Variants in SMG6 observed in about 807,000 individuals in gnomAD.
SMG6 encodes the protein telomerase-binding protein EST1A.
Under a neutral mutation model 142.2 loss-of-function variants are expected in SMG6, and 66 were observed. That is an observed-to-expected ratio of 0.46 (90% CI 0.38 to 0.57). SMG6 has a LOEUF of 0.57. Among genes scored for constraint, SMG6 ranks in the 20% least tolerant of loss-of-function variants. SMG6 has a pLI of 0.00. For missense variants in SMG6, 1,793 were observed against 1,832.0 expected (o/e 0.98, Z 0.39); for synonymous variants, 779 against 702.4 (o/e 1.11, Z -1.72).
chr17:2,184,146 G>A (rs1051765011), intron 12 of SMG6, among the ~76,000 whole-genome samples: 1 of 152,158 alleles, frequency 6.6e-6, no homozygotes, highest in Non-Finnish European at 1.5e-5. Flanking sequence ...TGGACCACTG[G>A]AGGGCAGGAG....
In SMG6 at chr17:2,066,290, CTGTG is replaced by C. The variant is rs564575614; in HGVS notation, c.3836-615_3836-612del. On this transcript the variant is annotated intron_variant, in intron 16 of 18. Transcript: ENST00000263073. ...TGTATGTCTGTGTGCGTGTATGTGT[CTGTG>C]TGCGTGTGTACATGTATGTGTGTGT... Among the ~76,000 whole-genome samples, 17 of 150,738 alleles carry C rather than the reference CTGTG, an allele frequency of 1.1e-4. No individual in the cohort carries two copies. The South Asian group carries it at 2.5e-3, about 22-fold the overall frequency.
At chr17:2,162,356 T>C (rs996421616) in intron 13 of SMG6, among the ~76,000 whole-genome samples, 2 of 150,504 alleles carry the variant, frequency 1.3e-5, no homozygotes, top group African/African-American at 4.9e-5. Flanking sequence ...ACTAAAAATA[T>C]AAAAAAAATT....
At chr17:2,265,489 AAC>A (rs2074404520) in intron 8 of SMG6, among the ~76,000 whole-genome samples, 1 of 150,844 alleles carries the variant, frequency 6.6e-6, no homozygotes, top group African/African-American at 2.4e-5. Context: ...CAGCCTGGAC[AAC>A]AGAGCAAGAC....
At chr17:2,248,339 A>G (rs929132527) in intron 8 of SMG6, among the ~76,000 whole-genome samples, 3 of 152,198 alleles carry the variant, frequency 2.0e-5, no homozygotes, top group African/African-American at 7.2e-5. Flanking sequence ...GAATAAGAGC[A>G]ACTAAGAAGC....
chr17:2,173,639 T>G (rs1024608682), intron 12 of SMG6, among the ~76,000 whole-genome samples: 4 of 152,174 alleles, frequency 2.6e-5, no homozygotes, highest in African/African-American at 9.7e-5. Flanking sequence ...CTGGGCAAAC[T>G]GGGATGGCTG....
At chr17:2,232,424 C>T (rs1190054977) in intron 10 of SMG6, among the ~76,000 whole-genome samples, 1 of 152,140 alleles carries the variant, frequency 6.6e-6, no homozygotes, top group Non-Finnish European at 1.5e-5. Flanking sequence ...CTGGGAACCA[C>T]CTATCTCACC....
Position 2,068,751 on chromosome 17 carries a change from C to T in SMG6, c.3835+27G>A. On this transcript the variant is annotated intron_variant, in intron 16 of 18. Coordinates refer to ENST00000263073, the MANE Select transcript of SMG6 (RefSeq NM_017575.5). The surrounding 1 kb of genome is among the most constrained non-coding windows in gnomAD (Gnocchi z 6.7). Reference sequence around the variant, plus strand: ...AGGGGGCTGCTGTGCACATGCAAGGCCGCTCTGCCCTTCCCGCCTGACTCA... The same window carrying T: ...AGGGGGCTGCTGTGCACATGCAAGGTCGCTCTGCCCTTCCCGCCTGACTCA... 1 of 1,608,262 alleles carries T rather than the reference C, an allele frequency of 6.2e-7. No homozygotes were observed. The highest frequency in any genetic ancestry group is 2.2e-5 in the East Asian group (1 of 44,842).
intron 13 of SMG6, among the ~76,000 whole-genome samples, chr17:2,151,084 C>A (rs1170013319): frequency 6.6e-6 from 1 of 152,186 alleles, no homozygotes; most frequent in East Asian, 1.9e-4. Context: ...CATAAGCTGG[C>A]ACAGCACCAG....
intron 10 of SMG6, among the ~76,000 whole-genome samples, chr17:2,196,945 G>T (rs577877492): frequency 6.6e-6 from 1 of 152,174 alleles, no homozygotes; most frequent in African/African-American, 2.4e-5. Flanking sequence ...AAAAAACAAA[G>T]CAATAAAACC....
chr17:2,131,394 C>T (rs2070116815), intron 13 of SMG6, among the ~76,000 whole-genome samples: 1 of 151,966 alleles, frequency 6.6e-6, no homozygotes, highest in African/African-American at 2.4e-5. Flanking sequence ...CTCCCGGGTT[C>T]AAGCGATTCT....
At chr17:2,249,626 CT>C (rs1470295332) in intron 8 of SMG6, among the ~76,000 whole-genome samples, 1 of 152,126 alleles carries the variant, frequency 6.6e-6, no homozygotes, top group East Asian at 1.9e-4. Flanking sequence ...GCCTGGCAGA[CT>C]TTTTTCATTT....
intron 8 of SMG6, among the ~76,000 whole-genome samples, chr17:2,280,357 G>T (rs1363731658): frequency 6.6e-6 from 1 of 152,116 alleles, no homozygotes; most frequent in Non-Finnish European, 1.5e-5. Flanking sequence ...CCGCCTCCCG[G>T]GTTCAAGCAA....
chr17:2,187,226 C>T (rs62069297), intron 11 of SMG6, among the ~76,000 whole-genome samples: 3,384 of 152,264 alleles, frequency 0.022, 47 homozygotes, highest in East Asian at 0.053. Flanking sequence ...GCAAATGCTT[C>T]ATATTCTTCA....
intron 10 of SMG6, among the ~76,000 whole-genome samples, chr17:2,209,388 G>A (rs1222325545): frequency 1.3e-5 from 2 of 151,872 alleles, no homozygotes; most frequent in Non-Finnish European, 2.9e-5. Flanking sequence ...TTTTTGAGGT[G>A]GAGTCTTGCT....
At chr17:2,136,099 G>C (rs2151560425) in intron 13 of SMG6, among the ~76,000 whole-genome samples, 1 of 151,334 alleles carries the variant, frequency 6.6e-6, no homozygotes, top group South Asian at 2.1e-4. Flanking sequence ...GTCTCGCTCT[G>C]TCGCCCAGGC....
At chr17:2,165,154 G>A (rs1356013478) in intron 13 of SMG6, among the ~76,000 whole-genome samples, 1 of 152,120 alleles carries the variant, frequency 6.6e-6, no homozygotes, top group Admixed American at 6.6e-5. Context: ...CAATGCTTCA[G>A]CAGTTCAGAG....
At chr17:2,212,105 A>T (rs2072882458) in intron 10 of SMG6, among the ~76,000 whole-genome samples, 2 of 152,248 alleles carry the variant, frequency 1.3e-5, no homozygotes, top group Admixed American at 1.3e-4. Context: ...AACTTTGAAA[A>T]TACATGTTGT....
At chr17:2,133,954 C>A (rs190184012) in intron 13 of SMG6, among the ~76,000 whole-genome samples, 1 of 152,246 alleles carries the variant, frequency 6.6e-6, no homozygotes, top group East Asian at 1.9e-4. Flanking sequence ...CCAGTGTCTG[C>A]CAACTTGGGG....
intron 8 of SMG6, among the ~76,000 whole-genome samples, chr17:2,270,482 C>A (rs1035653096): frequency 5.9e-5 from 9 of 152,138 alleles, no homozygotes; most frequent in Non-Finnish European, 8.8e-5. Context: ...GTGGCACATG[C>A]CTGTAGTCCC....
Sources: allele counts gnomAD v4.1 joint callset (sites outside exome capture counted in the v4.1 genomes callset), GRCh38; gene constraint gnomAD v4.1.1; non-coding constraint Gnocchi (gnomAD v3.1); transcripts MANE v1.5; gene names NCBI Gene and HGNC (gene_info 2026-07-23, HGNC 2026-07-21).